The following DHRSX variants were observed in gnomAD, a reference collection of about 807,000 sequenced individuals.
DHRSX encodes dehydrogenase/reductase X-linked.
In DHRSX, 31 loss-of-function variants were observed where a neutral mutation model predicts 34.0. The observed-to-expected ratio is 0.91, with a 90% CI of 0.69 to 1.23. DHRSX has a LOEUF of 1.23. Ranked by LOEUF, DHRSX falls within the 50% of genes most tolerant of loss-of-function variation. The probability of loss-of-function intolerance (pLI) is 0.00; values close to 1 mark genes in which losing one functional copy is unlikely to be tolerated. For missense variants in DHRSX, 414 were observed against 428.1 expected (o/e 0.97, Z 0.29); for synonymous variants, 201 against 183.8 (o/e 1.09, Z -0.76).
intron 1 of DHRSX, among the ~76,000 whole-genome samples, chrX:2,479,016 C>G (rs1229754441): frequency 6.6e-6 from 1 of 151,616 alleles, no homozygotes; most frequent in Non-Finnish European, 1.5e-5. Flanking sequence ...CATGTACACA[C>G]TGAAGTCATT....
At chrX:2,324,943 TTTG>T (rs1187911850) in intron 3 of DHRSX, among the ~76,000 whole-genome samples, 14 of 63,732 alleles carry the variant, frequency 2.2e-4, no homozygotes, top group African/African-American at 1.1e-3. Context: ...TAATTTTTGT[TTTG>T]TTTTTTTTTT....
intron 3 of DHRSX, among the ~76,000 whole-genome samples, chrX:2,330,605 GAGAAGGAGA>G (rs1036162449): frequency 2.0e-5 from 3 of 149,176 alleles, no homozygotes; most frequent in African/African-American, 5.0e-5. Context: ...GAAGGAAAGG[GAGAAGGAGA>G]AGGAGGAGGA....
At chrX:2,329,112 C>T (rs148308030) in intron 3 of DHRSX, among the ~76,000 whole-genome samples, 2 of 152,124 alleles carry the variant, frequency 1.3e-5, no homozygotes, top group East Asian at 3.8e-4. Context: ...AGAGATTCTG[C>T]ACTTGTACTC....
At chrX:2,424,815 G>A (rs5982798) in intron 2 of DHRSX, among the ~76,000 whole-genome samples, 123,392 of 152,044 alleles carry the variant, frequency 0.81, 50,912 homozygotes, top group African/African-American at 0.95. Flanking sequence ...TGTCTGAATC[G>A]ACACCTAAGT....
intron 4 of DHRSX, among the ~76,000 whole-genome samples, chrX:2,275,343 CAAAA>C (rs768710073): frequency 7.9e-6 from 1 of 127,316 alleles, no homozygotes; most frequent in Non-Finnish European, 1.7e-5. Flanking sequence ...ACTAAAAATA[CAAAA>C]AAAAAAAAAA....
Position 2,453,253 on chromosome X carries a change from G to A in DHRSX, c.110-27949C>T, listed in dbSNP as rs181305946. 8.5e-5 allele frequency among the ~76,000 whole-genome samples: 13 copies of A among 152,218 alleles called. No homozygotes were observed. The East Asian group carries it at 2.3e-3, about 27-fold the overall frequency. On this transcript the variant is annotated intron_variant, in intron 1 of 6. Coordinates refer to ENST00000334651, the MANE Select transcript of DHRSX (RefSeq NM_145177.3). Reference sequence around the variant, plus strand: ...AAAGAACACAAAATTTCAGTTGCTGGCCAAAAGCGGTGGCTCATGTCTGGA... The same window carrying A: ...AAAGAACACAAAATTTCAGTTGCTGACCAAAAGCGGTGGCTCATGTCTGGA...
intron 3 of DHRSX, among the ~76,000 whole-genome samples, chrX:2,378,092 T>C (rs888531067): frequency 2.7e-4 from 41 of 152,222 alleles, no homozygotes; most frequent in African/African-American, 9.6e-4. Context: ...TCTGGTGCAA[T>C]AGTGACCTGC....
intron 3 of DHRSX, among the ~76,000 whole-genome samples, chrX:2,341,651 C>CTTTTTT (rs112680079): frequency 8.3e-6 from 1 of 121,062 alleles, no homozygotes. Context: ...GTGAACTTGT[C>CTTTTTT]TTTTTTTTTT....
intron 3 of DHRSX, among the ~76,000 whole-genome samples, chrX:2,407,478 C>T (rs1376409435): frequency 7.2e-5 from 11 of 152,108 alleles, no homozygotes; most frequent in African/African-American, 2.2e-4. Flanking sequence ...TAGTTCTGTG[C>T]GTGGATGATT....
intron 1 of DHRSX, among the ~76,000 whole-genome samples, chrX:2,484,845 C>T (rs1034636823): frequency 2.6e-5 from 4 of 152,076 alleles, no homozygotes; most frequent in Non-Finnish European, 5.9e-5. Context: ...GCCAGGAACC[C>T]GGTCTCTGGG....
intron 1 of DHRSX, among the ~76,000 whole-genome samples, chrX:2,458,815 T>G (rs1429640722): frequency 6.6e-6 from 1 of 151,688 alleles, no homozygotes; most frequent in African/African-American, 2.4e-5. Context: ...CTGGGCAACA[T>G]AATGAAACCC....
chrX:2,431,179 G>A (rs745612589), intron 1 of DHRSX, among the ~76,000 whole-genome samples: 1 of 152,128 alleles, frequency 6.6e-6, no homozygotes, highest in South Asian at 2.1e-4. Flanking sequence ...CAAAAAATTA[G>A]CCTGGCGTGG....
intron 3 of DHRSX, among the ~76,000 whole-genome samples, chrX:2,293,507 G>C (rs2041892187): frequency 6.6e-6 from 1 of 152,132 alleles, no homozygotes; most frequent in South Asian, 2.1e-4. Context: ...TCTGGAGAGA[G>C]GTGGAAGGTA....
At chrX:2,422,443 A>G (rs1318795468) in intron 2 of DHRSX, among the ~76,000 whole-genome samples, 3 of 151,670 alleles carry the variant, frequency 2.0e-5, no homozygotes, top group Non-Finnish European at 4.4e-5. Context: ...TTGTATTTTT[A>G]GTAGAGACGG....
chrX:2,492,222 G>A (rs1441845966), intron 1 of DHRSX, among the ~76,000 whole-genome samples: 2 of 152,132 alleles, frequency 1.3e-5, no homozygotes, highest in Non-Finnish European at 2.9e-5. Context: ...ATGAAGGTAA[G>A]GATCTTTAGA....
At chrX:2,381,019 C>T (rs566246567) in intron 3 of DHRSX, among the ~76,000 whole-genome samples, 4 of 152,100 alleles carry the variant, frequency 2.6e-5, no homozygotes, top group African/African-American at 9.7e-5. Flanking sequence ...GTGTGCACCA[C>T]CACACCCGGC....
chrX:2,352,436 A>G (rs184881213), intron 3 of DHRSX, among the ~76,000 whole-genome samples: 1 of 152,220 alleles, frequency 6.6e-6, no homozygotes, highest in Admixed American at 6.5e-5. Context: ...TCATCAACAG[A>G]GGTGTGAAAA....
intron 4 of DHRSX, among the ~76,000 whole-genome samples, chrX:2,276,136 C>A (rs1193095631): frequency 6.6e-6 from 1 of 152,210 alleles, no homozygotes; most frequent in Non-Finnish European, 1.5e-5. Context: ...GCCATCGCGC[C>A]CGGCCTGTTT....
At chrX:2,433,610 T>A (rs1217552239) in intron 1 of DHRSX, among the ~76,000 whole-genome samples, 1 of 152,110 alleles carries the variant, frequency 6.6e-6, no homozygotes, top group African/African-American at 2.4e-5. Context: ...TGCGTCCCTG[T>A]GTTCTCACTG....
Sources: allele counts gnomAD v4.1 joint callset (sites outside exome capture counted in the v4.1 genomes callset), GRCh38; gene constraint gnomAD v4.1.1; transcripts MANE v1.5; gene names NCBI Gene and HGNC (gene_info 2026-07-23, HGNC 2026-07-21).